Variants in FAM135B observed in about 807,000 individuals in gnomAD.
The protein encoded by FAM135B is protein FAM135B.
FAM135B carries 43 observed loss-of-function variants against 127.7 expected under a neutral mutation model. The observed-to-expected ratio is 0.34, with a 90% confidence interval of 0.26 to 0.43. The LOEUF (loss-of-function observed/expected upper bound fraction) is 0.43. Ranked by LOEUF, FAM135B falls within the 20% of genes least tolerant of loss-of-function variation. FAM135B has a pLI of 1.00. For missense variants in FAM135B, 1,558 were observed against 1,725.6 expected, an observed-to-expected ratio of 0.90 and a Z score of 1.72; for synonymous variants, 670 against 665.1, an observed-to-expected ratio of 1.01 and a Z score of -0.11.
intron 7 of FAM135B, among the ~76,000 whole-genome samples, chr8:138,203,196 T>C (rs1817283182): frequency 6.6e-6 from 1 of 152,190 alleles, no homozygotes; most frequent in Non-Finnish European, 1.5e-5. Context: ...CAAATCTATG[T>C]CTCTACATCT....
rs542127117 is a variant in FAM135B at position 138,310,116 on chromosome 8, C to A, written c.157+725G>T. On this transcript the variant is annotated intron_variant, in intron 3 of 19. Coordinates refer to ENST00000395297, the MANE Select transcript of FAM135B (RefSeq NM_015912.4). The stretch of plus-strand genomic sequence containing the variant: ...AAACTCCTGACCTCAGGTGATCTGC[C>A]CACCTTGGCCTCCCAAAGTGCTGGG... 5.9e-5 allele frequency among the ~76,000 whole-genome samples: 9 copies of A among 152,174 alleles called. No individual in the cohort carries two copies. In the South Asian group the frequency reaches 1.9e-3, roughly 32 times the overall value.
At chr8:138,313,695 A>G (rs887853787) in intron 2 of FAM135B, among the ~76,000 whole-genome samples, 1 of 139,434 alleles carries the variant, frequency 7.2e-6, no homozygotes, top group Non-Finnish European at 1.6e-5. Flanking sequence ...TTAAAACTAA[A>G]CACTTTTGTG....
At chr8:138,366,733 T>A (rs1392602205) in intron 2 of FAM135B, among the ~76,000 whole-genome samples, 1 of 152,102 alleles carries the variant, frequency 6.6e-6, no homozygotes, top group East Asian at 1.9e-4. Context: ...ACAACTGGAG[T>A]CTAATCTTGG....
intron 2 of FAM135B, among the ~76,000 whole-genome samples, chr8:138,328,799 G>C (rs1008631741): frequency 2.0e-5 from 3 of 152,142 alleles, no homozygotes; most frequent in East Asian, 3.9e-4. Flanking sequence ...GTAACATGCA[G>C]ATGATCAAAG....
chr8:138,195,446 T>G, intron 8 of FAM135B, 139 bp from the exon 9 acceptor site: 1 of 755,064 alleles, frequency 1.3e-6, no homozygotes. Context: ...CTTCTACCTA[T>G]TCTAACTTCC....
At chr8:138,446,173 G>A (rs1262033932) in intron 1 of FAM135B, among the ~76,000 whole-genome samples, 1 of 152,096 alleles carries the variant, frequency 6.6e-6, no homozygotes, top group Non-Finnish European at 1.5e-5. Context: ...ACAAATGGAA[G>A]AACATTCCAT....
chr8:138,318,959 G>A (rs1413059637), intron 2 of FAM135B, among the ~76,000 whole-genome samples: 1 of 152,122 alleles, frequency 6.6e-6, no homozygotes, highest in African/African-American at 2.4e-5. Context: ...TGATGTGCAA[G>A]ATACTGTTTG....
At chr8:138,335,372 G>C (rs532874668) in intron 2 of FAM135B, among the ~76,000 whole-genome samples, 17 of 152,148 alleles carry the variant, frequency 1.1e-4, no homozygotes, top group African/African-American at 4.1e-4. Flanking sequence ...TGTGCAATAT[G>C]GCATACGTAA....
rs976235602 is a variant in FAM135B at position 138,194,345 on chromosome 8, A to C, written c.873+913T>G. Among the ~76,000 whole-genome samples the C allele has an allele frequency of 1.6e-4, 25 of 152,174 alleles. 1 individual carries two copies. The highest frequency in any genetic ancestry group is 2.9e-5 in the Non-Finnish European group (2 of 68,020). On this transcript the variant is annotated intron_variant, in intron 9 of 19. Coordinates refer to ENST00000395297, the MANE Select transcript of FAM135B (RefSeq NM_015912.4). ...CGCCCTCTCCAGGGATCTCCTCTGC[A>C]TTCACTGTGAGACTGGATTTTACTA...
In FAM135B at chr8:138,143,070, A is replaced by T. The variant is rs1291813171; in HGVS notation, c.3580T>A (p.Leu1194Ile). ...FADFDTMTDR[L>I]LDEIIQHIQL... ...ATGTGTTGAATGATTTCATCCAATAACCGATCCGTCATAGTATCAAAATCT... is the reference window on the plus strand; with the variant it reads ...ATGTGTTGAATGATTTCATCCAATATCCGATCCGTCATAGTATCAAAATCT... The change falls in exon 16 of 20, where the codon TTA becomes ATA. Residue 1194 changes from leucine to isoleucine, a missense_variant. Physicochemically the swap from Leu to Ile is conservative, Grantham distance 5. Transcript: ENST00000395297. The T allele has an allele frequency of 6.2e-7, 1 of 1,610,794 alleles. No individual in the cohort carries two copies. Among genetic ancestry groups the T allele is most frequent in the Admixed American group, 1.7e-5 (1 of 60,014 alleles).
rs13281250 is a variant in FAM135B at position 138,296,445 on chromosome 8, T to C, written c.157+14396A>G. On this transcript the variant is annotated intron_variant, in intron 3 of 19. Transcript: ENST00000395297. ...ATTATTTTTAGGCAATGGAGCTCCT[T>C]CTTTCCCAGCCCCCCAACTCAATCT... Among the ~76,000 whole-genome samples, 555 of 152,314 alleles carry C rather than the reference T, an allele frequency of 3.6e-3. 2 individuals are homozygous for C. The highest frequency in any genetic ancestry group is 5.1e-3 in the Non-Finnish European group (344 of 68,034).
intron 3 of FAM135B, among the ~76,000 whole-genome samples, chr8:138,273,027 A>C (rs1823508020): frequency 6.6e-6 from 1 of 152,166 alleles, no homozygotes; most frequent in South Asian, 2.1e-4. Context: ...TGACCTATGA[A>C]AGTACCTGGT....
intron 7 of FAM135B, among the ~76,000 whole-genome samples, chr8:138,207,334 A>T (rs1016951698): frequency 2.7e-5 from 4 of 150,474 alleles, no homozygotes; most frequent in Admixed American, 1.3e-4. Context: ...CCAGCCTCCC[A>T]ACTAGCTGGG....
At chr8:138,277,300 T>C (rs1586947433) in intron 3 of FAM135B, among the ~76,000 whole-genome samples, 2 of 152,300 alleles carry the variant, frequency 1.3e-5, no homozygotes, top group Middle Eastern at 3.4e-3. Context: ...TGTCTGTGCA[T>C]GGACACGGGA....
At chr8:138,304,369 T>C (rs1330095744) in intron 3 of FAM135B, among the ~76,000 whole-genome samples, 2 of 152,156 alleles carry the variant, frequency 1.3e-5, no homozygotes, top group Non-Finnish European at 2.9e-5. Context: ...TTCTGGGGAC[T>C]GGAAACACAT....
chr8:138,240,914 G>A (rs1190687593), intron 7 of FAM135B, among the ~76,000 whole-genome samples: 1 of 152,060 alleles, frequency 6.6e-6, no homozygotes, highest in Non-Finnish European at 1.5e-5. Context: ...ATTCCCTAAC[G>A]CCCCAGGCCA....
intron 12 of FAM135B, among the ~76,000 whole-genome samples, chr8:138,156,842 T>A (rs1048771407): frequency 1.3e-5 from 2 of 152,118 alleles, no homozygotes; most frequent in African/African-American, 4.8e-5. Flanking sequence ...ACCAGACGGA[T>A]TCACAGCCAA....
intron 10 of FAM135B, 143 bp from the exon 11 acceptor site, chr8:138,177,563 C>G (rs989803845): frequency 1.5e-6 from 1 of 675,504 alleles, no homozygotes; most frequent in African/African-American, 1.8e-5. Context: ...GGTTCTGAAT[C>G]AACAGTCTTC....
intron 3 of FAM135B, among the ~76,000 whole-genome samples, chr8:138,283,394 C>A (rs1393939077): frequency 6.7e-6 from 1 of 149,352 alleles, no homozygotes; most frequent in East Asian, 2.0e-4. Context: ...ATATGACATT[C>A]TGAAAAAGAC....
Sources: allele counts gnomAD v4.1 joint callset (sites outside exome capture counted in the v4.1 genomes callset), GRCh38; gene constraint gnomAD v4.1.1; transcripts MANE v1.5; gene names NCBI Gene and HGNC (gene_info 2026-07-23, HGNC 2026-07-21).